SPDYE4: variants seen among roughly 807,000 people sequenced by gnomAD.
SPDYE4 encodes the protein speedy/RINGO cell cycle regulator family member E4, also known as speedy protein E4.
In SPDYE4, 30 loss-of-function variants were observed where a neutral mutation model predicts 37.5. The observed-to-expected ratio is 0.80, with a 90% CI of 0.60 to 1.09. The LOEUF (loss-of-function observed/expected upper bound fraction) is 1.09. Among genes scored for constraint, SPDYE4 ranks in the 50% least tolerant of loss-of-function variants. The pLI is 0.00. For missense variants in SPDYE4, 300 were observed against 307.9 expected (o/e 0.97, Z 0.19); for synonymous variants, 131 against 120.3 (o/e 1.09, Z -0.58).
At chr17:8,752,783 C>T (rs1188979660) in intron 6 of SPDYE4, among the ~76,000 whole-genome samples, 1 of 152,060 alleles carries the variant, frequency 6.6e-6, no homozygotes, top group Admixed American at 6.5e-5. Flanking sequence ...CCATAATGAA[C>T]CTCCCTGGAC....
intron 4 of SPDYE4, among the ~76,000 whole-genome samples, chr17:8,754,395 A>C (rs901915346): frequency 2.6e-5 from 4 of 152,176 alleles, no homozygotes; most frequent in African/African-American, 9.7e-5. Context: ...GTGACATAGC[A>C]AAACGTCATC....
intron 3 of SPDYE4, among the ~76,000 whole-genome samples, 172 bp downstream of exon 3, chr17:8,756,206 G>A (rs911623895): frequency 6.6e-6 from 1 of 152,098 alleles, no homozygotes; most frequent in African/African-American, 2.4e-5. Flanking sequence ...GCAACAGAAC[G>A]AGACCCTGTT....
At chr17:8,757,518 G>A in intron 1 of SPDYE4, 26 bp from the exon 2 acceptor site, 2 of 1,603,632 alleles carry the variant, frequency 1.2e-6, no homozygotes, top group Non-Finnish European at 1.7e-6. Flanking sequence ...AGGCCATGGT[G>A]TCATGTTTCT....
At position 8,756,372 on chromosome 17, in the gene SPDYE4, C is replaced by T. The variant is rs779447936; in HGVS notation, c.399+6G>A. ...AGGAACACAGTTGAGTGGAGAACAA[C>T]CTTACCTTGTCTGACACCCTCAGGT... On this transcript the variant is annotated splice_donor_region_variant and intron_variant, in intron 3 of 6. Transcript: ENST00000689094. 1.2e-6 allele frequency: 2 copies of T among 1,613,768 alleles called. No individual in the cohort carries two copies. Among genetic ancestry groups the T allele is most frequent in the Non-Finnish European group, 8.5e-7 (1 of 1,179,806 alleles).
At position 8,753,605 on chromosome 17, in the gene SPDYE4, C is replaced by T. The variant is rs542798931; in HGVS notation, c.486-116G>A. On this transcript the variant is annotated intron_variant, in intron 4 of 6. Transcript: ENST00000689094. The stretch of plus-strand genomic sequence containing the variant: ...TTCCTCAGCTCAGCACCAACAGCCG[C>T]CCTGCAGAGAGCCCTGCCTTCCTCA... 25 of 1,260,384 alleles carry T rather than the reference C, an allele frequency of 2.0e-5. No homozygotes were observed. The South Asian group carries it at 3.7e-4, about 19-fold the overall frequency. 78.1% of individuals were successfully genotyped at this position (1,260,384 alleles called of 1,614,324 possible).
chr17:8,749,267 A>AT (rs71135918), downstream of SPDYE4, among the ~76,000 whole-genome samples: 152 of 142,368 alleles, frequency 1.1e-3, no homozygotes, highest in East Asian at 7.4e-3. Context: ...TAAGTTTCGT[A>AT]TTTTTTTTTT....
chr17:8,750,288 C>G (rs928093415), downstream of SPDYE4, among the ~76,000 whole-genome samples: 2 of 152,120 alleles, frequency 1.3e-5, no homozygotes, highest in African/African-American at 4.8e-5. Flanking sequence ...TCTCAGGAGG[C>G]TGAGACAAGA....
At chr17:8,758,234 G>T (rs748779636) in intron 1 of SPDYE4, 40 bp downstream of exon 1, 3 of 1,460,610 alleles carry the variant, frequency 2.1e-6, no homozygotes, top group Non-Finnish European at 2.8e-6. Flanking sequence ...CCTCTCCTCA[G>T]TCAATCATCT....
At chr17:8,749,177 C>T (rs1482587037), downstream of SPDYE4, among the ~76,000 whole-genome samples, 3 of 151,110 alleles carry the variant, frequency 2.0e-5, no homozygotes, top group South Asian at 4.2e-4. Context: ...CATGCAGCCT[C>T]GACCTCCCAG....
In SPDYE4 at chr17:8,757,493, C is replaced by A. The variant is rs768560750; in HGVS notation, c.110-1G>T. The A allele has an allele frequency of 3.1e-6, 5 of 1,608,968 alleles. No homozygotes were observed. In the South Asian group the frequency reaches 5.5e-5, roughly 18 times the overall value. On this transcript the variant is annotated splice_acceptor_variant, in intron 1 of 6. Transcript: ENST00000689094. LOFTEE classifies it high-confidence loss of function. ...TGGGGGCTGGGATCTATCCAAGGGGCTGAGTGAAGAAACCAGGCCATGGTG... is the reference window on the plus strand; with the variant it reads ...TGGGGGCTGGGATCTATCCAAGGGGATGAGTGAAGAAACCAGGCCATGGTG...
intron 4 of SPDYE4, 109 bp from the exon 5 acceptor site, chr17:8,753,598 A>G (rs976256393): frequency 3.0e-6 from 4 of 1,326,212 alleles, no homozygotes; most frequent in African/African-American, 2.9e-5. Context: ...CTCAGCACCA[A>G]CAGCCGCCCT....
At chr17:8,756,081 C>T (rs929791928) in intron 3 of SPDYE4, among the ~76,000 whole-genome samples, 5 of 152,038 alleles carry the variant, frequency 3.3e-5, no homozygotes, top group Admixed American at 6.5e-5. Context: ...TAGCTGGGGG[C>T]GGTGACTCAC....
At chr17:8,756,599 G>A (rs1259384437) in intron 2 of SPDYE4, among the ~76,000 whole-genome samples, 163 bp from the exon 3 acceptor site, 1 of 152,200 alleles carries the variant, frequency 6.6e-6, no homozygotes, top group African/African-American at 2.4e-5. Context: ...GGCAAGGAGG[G>A]AGGCTCCCGC....
rs529624032 is a variant in SPDYE4, at chr17:8,756,608, G to T, written c.341-172C>A. ...TCACTGGGCAAGGAGGGAGGCTCCC[G>T]CTCTGAGATTCCCCTGAGGAGAGGC... On this transcript the variant is annotated intron_variant, in intron 2 of 6. Coordinates refer to ENST00000689094, the MANE Select transcript of SPDYE4 (RefSeq NM_001394956.1). Among the ~76,000 whole-genome samples the T allele has an allele frequency of 2.0e-5, 3 of 152,310 alleles. No individual in the cohort carries two copies. The South Asian group carries it at 6.2e-4, about 32-fold the overall frequency.
At chr17:8,757,125 C>T (rs1258579867) in intron 2 of SPDYE4, 137 bp downstream of exon 2, 3 of 785,592 alleles carry the variant, frequency 3.8e-6, no homozygotes, top group Non-Finnish European at 6.1e-6. Flanking sequence ...TCCTCTATCT[C>T]CTAAGCATCC....
downstream of SPDYE4, among the ~76,000 whole-genome samples, chr17:8,747,700 G>A (rs1356132150): frequency 2.6e-5 from 4 of 152,178 alleles, no homozygotes; most frequent in South Asian, 4.1e-4. Flanking sequence ...AGTCTCTGAA[G>A]ACTTTACAAG....
Position 8,754,113 on chromosome 17 carries a change from T to A in SPDYE4, c.486-624A>T, listed in dbSNP as rs1772216046. 2.0e-5 allele frequency among the ~76,000 whole-genome samples: 3 copies of A among 152,130 alleles called. 1 individual carries two copies. Among genetic ancestry groups the A allele is most frequent in the African/African-American group, 7.2e-5 (3 of 41,434 alleles). ...GAACTCTCCCTTCCCATCCTTCCTA[T>A]TCCCTGGCACATATGATGAACTTCA... On this transcript the variant is annotated intron_variant, in intron 4 of 6. Transcript: ENST00000689094.
rs535260855 is a variant in SPDYE4, at chr17:8,756,070, A to C, written c.399+308T>G. Among the ~76,000 whole-genome samples the C allele has an allele frequency of 2.6e-5, 4 of 152,186 alleles. No individual in the cohort carries two copies. The East Asian group carries it at 7.7e-4, about 29-fold the overall frequency. On this transcript the variant is annotated intron_variant, in intron 3 of 6. Transcript: ENST00000689094. ...CTGACAAATTATGAGAAGACCTAGA[A>C]TAGCTGGGGGCGGTGACTCACGCCT...
Position 8,755,512 on chromosome 17 carries a change from C to G in SPDYE4, c.485+8G>C. The G allele has an allele frequency of 1.2e-6, 2 of 1,611,044 alleles. No homozygotes were observed. ...ATATTGACAGATGGGAAGAAGCAAA[C>G]TACTCACAGAGCCAGGAAGAAATGA... On this transcript the variant is annotated splice_region_variant and intron_variant, in intron 4 of 6. Transcript: ENST00000689094.
Sources: allele counts gnomAD v4.1 joint callset (sites outside exome capture counted in the v4.1 genomes callset), GRCh38; gene constraint gnomAD v4.1.1; transcripts MANE v1.5; gene names NCBI Gene and HGNC (gene_info 2026-07-23, HGNC 2026-07-21).